The following NKAIN3 variants were observed in gnomAD, a reference collection of about 807,000 sequenced individuals.
NKAIN3 encodes sodium/potassium transporting ATPase interacting 3.
Under a neutral mutation model 30.2 loss-of-function variants are expected in NKAIN3, and 25 were observed. The observed-to-expected ratio is 0.83, with a 90% CI of 0.60 to 1.16. The LOEUF (loss-of-function observed/expected upper bound fraction) is 1.16, where lower values mean the gene tolerates loss of function less well. Ranked by LOEUF, NKAIN3 falls within the 50% of genes most tolerant of loss-of-function variation. The pLI is 0.00. For synonymous variants in NKAIN3, 91 were observed against 89.6 expected (o/e 1.02, Z -0.09); for missense variants, 225 against 254.1 (o/e 0.89, Z 0.78).
chr8:62,782,737 T>C (rs375819758), intron 4 of NKAIN3, among the ~76,000 whole-genome samples: 6 of 149,638 alleles, frequency 4.0e-5, no homozygotes, highest in Admixed American at 2.0e-4. Context: ...ATAAATAACT[T>C]GGTCACATGG....
intron 3 of NKAIN3, among the ~76,000 whole-genome samples, chr8:62,605,359 T>C (rs1030199430): frequency 1.3e-5 from 2 of 151,944 alleles, no homozygotes; most frequent in Non-Finnish European, 2.9e-5. Flanking sequence ...CGGATTTGTT[T>C]TACATTAGAA....
At chr8:62,391,883 T>C (rs994325072) in intron 1 of NKAIN3, among the ~76,000 whole-genome samples, 5 of 150,102 alleles carry the variant, frequency 3.3e-5, no homozygotes, top group Non-Finnish European at 7.4e-5. Context: ...ATCAAAAATG[T>C]CACACACATC....
chr8:62,518,547 A>G (rs1162316451), intron 1 of NKAIN3, among the ~76,000 whole-genome samples: 2 of 152,156 alleles, frequency 1.3e-5, no homozygotes, highest in Non-Finnish European at 2.9e-5. Flanking sequence ...CGTGGTCCCC[A>G]TCACTTAGTA....
intron 1 of NKAIN3, among the ~76,000 whole-genome samples, chr8:62,417,936 G>A (rs1019170287): frequency 1.3e-5 from 2 of 152,182 alleles, no homozygotes; most frequent in Non-Finnish European, 2.9e-5. Context: ...AAAAAGAGAG[G>A]ATGAAGAACA....
At chr8:62,594,772 T>C (rs1810770088) in intron 3 of NKAIN3, among the ~76,000 whole-genome samples, 1 of 151,934 alleles carries the variant, frequency 6.6e-6, no homozygotes, top group South Asian at 2.1e-4. Flanking sequence ...GTTTTCTTTC[T>C]TTCTTTTCCT....
intron 3 of NKAIN3, among the ~76,000 whole-genome samples, chr8:62,700,675 T>C (rs76803837): frequency 0.056 from 8,564 of 152,260 alleles, 474 homozygotes; most frequent in African/African-American, 0.14. Context: ...AATACATGAT[T>C]TGCAGCGAAG....
chr8:62,855,919 G>C lies in NKAIN3; in HGVS notation c.472-62534G>C, dbSNP rs565698153. 4.0e-5 allele frequency: 30 copies of C among 756,400 alleles called. No individual in the cohort carries two copies. In the South Asian group the frequency reaches 4.0e-4, roughly 10 times the overall value. The allele number at this position is 756,400 out of a possible 1,614,324, so 46.9% of individuals were successfully genotyped here. On this transcript the variant is annotated intron_variant, in intron 4 of 6. Transcript: ENST00000623646. ...ATGTTCCTGCGGGGTGTGTATCTGC[G>C]TGATGCTACAACCTCCTTGTCCAGA...
intron 3 of NKAIN3, among the ~76,000 whole-genome samples, chr8:62,721,040 G>T (rs143253646): frequency 6.6e-6 from 1 of 152,162 alleles, no homozygotes. Context: ...CAGTGGAGAG[G>T]CAATAGCTAG....
chr8:62,707,058 C>CAT (rs1158156584), intron 3 of NKAIN3, among the ~76,000 whole-genome samples: 5 of 40,028 alleles, frequency 1.2e-4, no homozygotes, highest in Admixed American at 1.1e-3. Context: ...TACATACATA[C>CAT]ACACACACAC....
chr8:62,904,631 C>T (rs1821723080), intron 4 of NKAIN3, among the ~76,000 whole-genome samples: 1 of 152,190 alleles, frequency 6.6e-6, no homozygotes, highest in Non-Finnish European at 1.5e-5. Flanking sequence ...AGAATTGCTA[C>T]CATGCTGGAG....
At chr8:62,828,722 T>C (rs1258802992) in intron 4 of NKAIN3, among the ~76,000 whole-genome samples, 3 of 152,150 alleles carry the variant, frequency 2.0e-5, no homozygotes, top group African/African-American at 7.2e-5. Flanking sequence ...GATCTTAAGA[T>C]ACTAGAAGCT....
chr8:62,729,073 A>G (rs1398521622), intron 3 of NKAIN3, among the ~76,000 whole-genome samples: 2 of 145,708 alleles, frequency 1.4e-5, no homozygotes, highest in South Asian at 2.2e-4. Flanking sequence ...TGCAAAAGAC[A>G]TTGGCAAGAG....
intron 1 of NKAIN3, among the ~76,000 whole-genome samples, chr8:62,323,798 T>TA (rs1815021651): frequency 6.6e-6 from 1 of 151,984 alleles, no homozygotes; most frequent in Admixed American, 6.6e-5. Context: ...TATCAAGCCA[T>TA]AAAAAGACAT....
At chr8:62,834,559 A>T (rs1409393292) in intron 4 of NKAIN3, among the ~76,000 whole-genome samples, 1 of 151,876 alleles carries the variant, frequency 6.6e-6, no homozygotes, top group Non-Finnish European at 1.5e-5. Flanking sequence ...CAAAACAAAA[A>T]TGCAATTCCA....
intron 3 of NKAIN3, among the ~76,000 whole-genome samples, chr8:62,684,484 T>G (rs899901732): frequency 1.3e-5 from 2 of 152,132 alleles, no homozygotes; most frequent in Admixed American, 6.5e-5. Context: ...AGTGAGAATA[T>G]TGGGACGAGA....
intron 1 of NKAIN3, among the ~76,000 whole-genome samples, chr8:62,297,283 C>T (rs1232341601): frequency 6.6e-6 from 1 of 152,174 alleles, no homozygotes; most frequent in Non-Finnish European, 1.5e-5. Flanking sequence ...ATGTCTAAAA[C>T]ACCAAAAGCA....
At chr8:62,308,548 G>T (rs1334800455) in intron 1 of NKAIN3, among the ~76,000 whole-genome samples, 2 of 150,492 alleles carry the variant, frequency 1.3e-5, no homozygotes, top group Non-Finnish European at 2.9e-5. Flanking sequence ...AAAATTTATG[G>T]GCATATTGCA....
intron 5 of NKAIN3, among the ~76,000 whole-genome samples, chr8:62,938,974 G>A (rs886933020): frequency 6.6e-6 from 1 of 152,144 alleles, no homozygotes; most frequent in Admixed American, 6.5e-5. Flanking sequence ...AGAGAGAGGT[G>A]AAGTCCAACT....
chr8:62,776,135 G>A (rs1161625342), intron 4 of NKAIN3, among the ~76,000 whole-genome samples: 4 of 151,836 alleles, frequency 2.6e-5, no homozygotes, highest in African/African-American at 9.7e-5. Context: ...TCATCACTTT[G>A]CTTTCAGTCT....
Sources: allele counts gnomAD v4.1 joint callset (sites outside exome capture counted in the v4.1 genomes callset), GRCh38; gene constraint gnomAD v4.1.1; transcripts MANE v1.5; gene names NCBI Gene and HGNC (gene_info 2026-07-23, HGNC 2026-07-21).